Variants in ARB2A observed in about 807,000 individuals in gnomAD.
The protein encoded by ARB2A is cotranscriptional regulator ARB2A.
chr5:94,096,211 T>A, the ARB2A span, among the ~76,000 whole-genome samples: 1 of 152,184 alleles, frequency 6.6e-6, no homozygotes, highest in Non-Finnish European at 1.5e-5. Context: ...AATCTAACCA[T>A]CAATCTTTTC....
the ARB2A span, among the ~76,000 whole-genome samples, chr5:93,936,144 T>A: frequency 6.6e-6 from 1 of 152,192 alleles, no homozygotes; most frequent in Non-Finnish European, 1.5e-5. Context: ...CCGATTAAAA[T>A]CTTTGTTCTC....
chr5:93,840,320 T>C, the ARB2A span, among the ~76,000 whole-genome samples: 4 of 152,176 alleles, frequency 2.6e-5, no homozygotes, highest in Admixed American at 2.0e-4. Flanking sequence ...TAAATGGTTA[T>C]GCACAGAAGA....
chr5:93,894,989 A>G, the ARB2A span, among the ~76,000 whole-genome samples: 1 of 152,192 alleles, frequency 6.6e-6, no homozygotes, highest in African/African-American at 2.4e-5. Context: ...AATACATGTG[A>G]TGTTGCTTAG....
At chr5:94,077,163 A>T in the ARB2A span, among the ~76,000 whole-genome samples, 1 of 151,686 alleles carries the variant, frequency 6.6e-6, no homozygotes, top group Non-Finnish European at 1.5e-5. Flanking sequence ...TCACGACATC[A>T]GGAGATGGAG....
At chr5:94,010,377 G>A in the ARB2A span, among the ~76,000 whole-genome samples, 4 of 151,956 alleles carry the variant, frequency 2.6e-5, no homozygotes, top group African/African-American at 4.8e-5. Flanking sequence ...CTCTCTAACC[G>A]AGAAAGCATA....
chr5:93,645,170 T>C, the ARB2A span, among the ~76,000 whole-genome samples: 1 of 152,216 alleles, frequency 6.6e-6, no homozygotes, highest in Non-Finnish European at 1.5e-5. Context: ...TTTACACTTT[T>C]ATATTAACTC....
the ARB2A span, among the ~76,000 whole-genome samples, chr5:93,946,476 T>C: frequency 2.0e-5 from 3 of 152,106 alleles, no homozygotes; most frequent in South Asian, 2.1e-4. Context: ...AAAACAAAGA[T>C]ATTGTATCAA....
chr5:94,015,412 T>G, the ARB2A span, among the ~76,000 whole-genome samples: 2 of 151,420 alleles, frequency 1.3e-5, no homozygotes, highest in Non-Finnish European at 2.9e-5. Flanking sequence ...TTCTTCAATT[T>G]GAAAGAAAAA....
At chr5:93,961,099 T>C in the ARB2A span, among the ~76,000 whole-genome samples, 1 of 152,144 alleles carries the variant, frequency 6.6e-6, no homozygotes, top group African/African-American at 2.4e-5. Context: ...GCTGTCAGTG[T>C]ATAACAAGAA....
At chr5:93,858,918 T>C in the ARB2A span, among the ~76,000 whole-genome samples, 2 of 152,280 alleles carry the variant, frequency 1.3e-5, no homozygotes, top group Middle Eastern at 6.8e-3. Flanking sequence ...GGCAGTATAA[T>C]AGAGCTAAAA....
the ARB2A span, among the ~76,000 whole-genome samples, chr5:94,102,394 AAAG>A: frequency 6.6e-6 from 1 of 152,146 alleles, no homozygotes; most frequent in African/African-American, 2.4e-5. Context: ...AGTGCTGAGA[AAAG>A]AATAGACAAA....
chr5:93,803,665 A>C, the ARB2A span, among the ~76,000 whole-genome samples: 1 of 151,218 alleles, frequency 6.6e-6, no homozygotes, highest in East Asian at 1.9e-4. Context: ...CTCATACACA[A>C]GTTTACCTAC....
At chr5:93,669,550 A>T in the ARB2A span, among the ~76,000 whole-genome samples, 2 of 152,186 alleles carry the variant, frequency 1.3e-5, no homozygotes, top group Non-Finnish European at 2.9e-5. Flanking sequence ...TGGATTCTTA[A>T]TGTTATTAAA....
the ARB2A span, among the ~76,000 whole-genome samples, chr5:93,941,168 T>G: frequency 5.7e-4 from 86 of 152,184 alleles, 1 homozygote; most frequent in Non-Finnish European, 3.4e-4. Flanking sequence ...CTTGAAAGTG[T>G]CCAAAGCATT....
At chr5:93,672,929 A>C in the ARB2A span, among the ~76,000 whole-genome samples, 1 of 152,180 alleles carries the variant, frequency 6.6e-6, no homozygotes, top group Non-Finnish European at 1.5e-5. Context: ...TCGCATTTCT[A>C]CTTGGTCTAT....
At chr5:93,910,715 T>C in the ARB2A span, 2 of 151,406 alleles carry the variant, frequency 1.3e-5, no homozygotes, top group African/African-American at 2.4e-5. Flanking sequence ...AATCAAGCAA[T>C]CATAATTGTC....
chr5:93,798,695 G>T, the ARB2A span, among the ~76,000 whole-genome samples: 1 of 152,056 alleles, frequency 6.6e-6, no homozygotes, highest in Admixed American at 6.6e-5. Flanking sequence ...AGTGACTTAG[G>T]TGTCACCTCT....
At chr5:94,085,446 T>C in the ARB2A span, among the ~76,000 whole-genome samples, 3 of 152,224 alleles carry the variant, frequency 2.0e-5, no homozygotes, top group South Asian at 2.1e-4. Context: ...ACTTCCAAGA[T>C]GGCTCACTCA....
the ARB2A span, among the ~76,000 whole-genome samples, chr5:93,958,056 A>G: frequency 6.6e-6 from 1 of 152,072 alleles, no homozygotes; most frequent in African/African-American, 2.4e-5. Flanking sequence ...ATGCAATAGT[A>G]AAACAAAAGC....
Sources: allele counts gnomAD v4.1 joint callset (sites outside exome capture counted in the v4.1 genomes callset), GRCh38; gene constraint gnomAD v4.1.1; transcripts MANE v1.5; gene names NCBI Gene and HGNC (gene_info 2026-07-23, HGNC 2026-07-21).